FRMPD2: variants seen among roughly 807,000 people sequenced by gnomAD.
FRMPD2 encodes the protein FERM and PDZ domain-containing protein 2.
Under a neutral mutation model 140.1 loss-of-function variants are expected in FRMPD2, and 96 were observed. The observed-to-expected ratio is 0.69, with a 90% CI of 0.58 to 0.81. FRMPD2 has a LOEUF of 0.81. Ranked by LOEUF, FRMPD2 falls within the 40% of genes least tolerant of loss-of-function variation. FRMPD2 has a pLI of 0.00. For missense variants in FRMPD2, 1,240 were observed against 1,447.4 expected (o/e 0.86, Z 2.32); for synonymous variants, 449 against 547.6 (o/e 0.82, Z 2.52).
At chr10:48,234,040 A>G (rs879560444) in intron 9 of FRMPD2, among the ~76,000 whole-genome samples, 12 of 152,184 alleles carry the variant, frequency 7.9e-5, no homozygotes, top group Non-Finnish European at 1.5e-4. Flanking sequence ...TACCAAACGC[A>G]TCTCCATGCA....
intron 14 of FRMPD2, 83 bp from the exon 15 acceptor site, chr10:48,201,467 C>A: frequency 1.5e-6 from 2 of 1,353,518 alleles, no homozygotes; most frequent in East Asian, 4.8e-5. Context: ...ATGCTCGGTC[C>A]CTTGGTTCCA....
intron 12 of FRMPD2, among the ~76,000 whole-genome samples, chr10:48,220,897 T>A (rs1255194513): frequency 1.3e-5 from 2 of 152,124 alleles, no homozygotes; most frequent in Non-Finnish European, 2.9e-5. Context: ...TGGTACCACC[T>A]CACTCCTGCA....
Position 48,161,151 on chromosome 10 carries a change from T to C in FRMPD2, c.3881+2177A>G, listed in dbSNP as rs1374119013. Among the ~76,000 whole-genome samples, 10 of 150,974 alleles carry C rather than the reference T, an allele frequency of 6.6e-5. No individual in the cohort carries two copies. The East Asian group carries it at 2.0e-3, about 29-fold the overall frequency. Reference sequence around the variant, plus strand: ...TGCCCACAGTTCATCCATGGGTACATGGACCATGTGGGCCCGGCAGTGAGT... The same window carrying C: ...TGCCCACAGTTCATCCATGGGTACACGGACCATGTGGGCCCGGCAGTGAGT... On this transcript the variant is annotated intron_variant, in intron 28 of 28. Transcript: ENST00000374201.
At chr10:48,199,710 G>C (rs1432481249) in intron 15 of FRMPD2, 1 of 152,224 alleles carries the variant, frequency 6.6e-6, no homozygotes, top group African/African-American at 2.4e-5. Context: ...TCAATTAAGA[G>C]TGATACAGCA....
At chr10:48,243,983 T>C (rs906899631) in intron 4 of FRMPD2, among the ~76,000 whole-genome samples, 2 of 152,258 alleles carry the variant, frequency 1.3e-5, no homozygotes, top group Admixed American at 6.5e-5. Context: ...TATTTTTATG[T>C]AGTTCTTTTT....
chr10:48,206,745 C>G lies in FRMPD2; in HGVS notation c.1797+3G>C. ...GGTTATTTATCAACTGAGCTACACT[C>G]ACATAAGTAGAAATCTTCCCGGTTT... On this transcript the variant is annotated splice_donor_region_variant and intron_variant, in intron 14 of 28. Transcript: ENST00000374201. 1 of 1,612,812 alleles carries G rather than the reference C, an allele frequency of 6.2e-7. No homozygotes were observed. Among genetic ancestry groups the G allele is most frequent in the Non-Finnish European group, 8.5e-7 (1 of 1,178,906 alleles).
chr10:48,174,339 A>T (rs1371362157), intron 24 of FRMPD2, among the ~76,000 whole-genome samples: 1 of 152,222 alleles, frequency 6.6e-6, no homozygotes, highest in Non-Finnish European at 1.5e-5. Context: ...GGGGACATAA[A>T]GGATGAATGG....
intron 3 of FRMPD2, 142 bp from the exon 4 acceptor site, chr10:48,244,991 T>C (rs901370013): frequency 1.6e-6 from 1 of 632,628 alleles, no homozygotes; most frequent in African/African-American, 1.8e-5. Context: ...CCTTAACCCT[T>C]GTTACCTCCT....
intron 20 of FRMPD2, among the ~76,000 whole-genome samples, chr10:48,182,702 G>T (rs575832532): frequency 1.1e-5 from 1 of 90,792 alleles, no homozygotes; most frequent in African/African-American, 4.1e-5. Flanking sequence ...GAAACTCATT[G>T]TCTGGAATTC....
chr10:48,199,273 C>G (rs949877093), intron 15 of FRMPD2, among the ~76,000 whole-genome samples: 1 of 119,672 alleles, frequency 8.4e-6, no homozygotes, highest in East Asian at 2.9e-4. Context: ...TGAGTTCAGG[C>G]AAAAAAAAAA....
At chr10:48,217,257 C>A (rs1447676084) in intron 12 of FRMPD2, among the ~76,000 whole-genome samples, 1 of 152,194 alleles carries the variant, frequency 6.6e-6, no homozygotes, top group African/African-American at 2.4e-5. Context: ...TGCTTTGGTG[C>A]TGGATAAATG....
chr10:48,167,497 C>T (rs1838127077), intron 27 of FRMPD2, among the ~76,000 whole-genome samples: 1 of 94,708 alleles, frequency 1.1e-5, no homozygotes, highest in South Asian at 4.1e-4. Context: ...ATCTCTGCTC[C>T]AGGGCTCCCT....
At chr10:48,231,159 G>T (rs1839839497) in intron 10 of FRMPD2, among the ~76,000 whole-genome samples, 2 of 152,208 alleles carry the variant, frequency 1.3e-5, no homozygotes, top group African/African-American at 4.8e-5. Flanking sequence ...ATCCAGCAGT[G>T]ATGCTTTCAG....
At chr10:48,213,430 A>G (rs1839375944) in intron 12 of FRMPD2, among the ~76,000 whole-genome samples, 1 of 152,256 alleles carries the variant, frequency 6.6e-6, no homozygotes, top group South Asian at 2.1e-4. Flanking sequence ...TGTTTTTCAT[A>G]AAACTAAACA....
At chr10:48,195,097 T>C (rs17010513) in intron 15 of FRMPD2, among the ~76,000 whole-genome samples, 47,516 of 152,052 alleles carry the variant, frequency 0.31, 8,497 homozygotes, top group African/African-American at 0.48. Context: ...GGATATACTC[T>C]GAGCCAAGGG....
Position 48,236,576 on chromosome 10 carries a change from G to A in FRMPD2, c.922-23C>T, listed in dbSNP as rs559391469. The A allele has an allele frequency of 3.7e-6, 6 of 1,610,064 alleles. No homozygotes were observed. In the East Asian group the frequency reaches 8.9e-5, roughly 24 times the overall value. ...AAACTGGAGGAAAACAGTCACATATGGTAGAGAAGACAACAGATTCCAGGC... is the reference window on the plus strand; with the variant it reads ...AAACTGGAGGAAAACAGTCACATATAGTAGAGAAGACAACAGATTCCAGGC... On this transcript the variant is annotated intron_variant, in intron 8 of 28. Coordinates refer to ENST00000374201, the MANE Select transcript of FRMPD2 (RefSeq NM_001018071.4).
intron 1 of FRMPD2, among the ~76,000 whole-genome samples, chr10:48,254,762 T>C (rs1041263979): frequency 6.6e-6 from 1 of 152,232 alleles, no homozygotes; most frequent in East Asian, 1.9e-4. Flanking sequence ...AGAGGTTAAG[T>C]GACTTGGCCA....
In FRMPD2 at chr10:48,232,234, T is replaced by G. The variant is rs1451995677; in HGVS notation, c.1049A>C (p.Asn350Thr). 3 of 1,614,184 alleles carry G rather than the reference T, an allele frequency of 1.9e-6. No individual in the cohort carries two copies. The highest frequency in any genetic ancestry group is 2.5e-6 in the Non-Finnish European group (3 of 1,180,004). The change falls in exon 10 of 29, where the codon AAC becomes ACC. Residue 350 changes from asparagine (N) to threonine (T), a missense_variant. Transcript: ENST00000374201. ...ALRDLCVVLL[N>T]GQHLEVKCDV... ...ACATTTTACCTCCAGGTGCTGCCCG[T>G]TCAGCAGGACCACACAGAGGTCCCT...
intron 15 of FRMPD2, among the ~76,000 whole-genome samples, chr10:48,195,000 C>T (rs1838919727): frequency 6.6e-6 from 1 of 152,182 alleles, no homozygotes; most frequent in Non-Finnish European, 1.5e-5. Flanking sequence ...TGACTCATAG[C>T]ATAATTGTGG....
Sources: gnomAD v4.1 joint callset for allele counts (sites outside exome capture counted in the v4.1 genomes callset) on GRCh38, gnomAD v4.1.1 for gene constraint, MANE v1.5 for transcripts, NCBI Gene and HGNC (gene_info 2026-07-23, HGNC 2026-07-21) for gene names.